TICRR: variants seen among roughly 807,000 people sequenced by gnomAD.
The protein encoded by TICRR is treslin.
A neutral mutation model predicts 178.1 loss-of-function variants in TICRR; 132 were observed. The ratio of observed to expected loss-of-function variants is 0.74; its 90% CI spans 0.64 to 0.86. The LOEUF (loss-of-function observed/expected upper bound fraction) is 0.86. Among genes scored for constraint, TICRR ranks in the 40% least tolerant of loss-of-function variants. The pLI is 0.00. For synonymous variants in TICRR, 991 were observed against 900.7 expected (o/e 1.10, Z -1.79); for missense variants, 2,587 against 2,334.3 (o/e 1.11, Z -2.23).
chr15:89,625,119 T>C lies in TICRR; in HGVS notation c.4809T>C (p.Pro1603=). The part of the protein sequence containing the change: ...ESSLGEESFL[P]ALSMPRASRS... ...CTCTGGGAGAAGAGAGCTTCCTCCC[T>C]GCTCTCAGCATGCCCAGGGCCAGCA... The change falls in exon 20 of 22, where the codon CCT becomes CCC. Residue 1603 remains proline (P), a synonymous_variant. Transcript: ENST00000268138. 6.2e-7 allele frequency: 1 copy of C among 1,613,972 alleles called. No individual in the cohort carries two copies. Among genetic ancestry groups the C allele is most frequent in the South Asian group, 1.1e-5 (1 of 91,080 alleles).
chr15:89,601,624 T>C (rs1963099439), intron 11 of TICRR, 56 bp downstream of exon 11: 39 of 1,607,602 alleles, frequency 2.4e-5, no homozygotes, highest in Middle Eastern at 1.6e-4. Context: ...AACCTATGTA[T>C]GGTGTTGTCT....
In TICRR at chr15:89,626,062, G is replaced by A; in HGVS notation, c.5602+1G>A. 6.2e-7 allele frequency: 1 copy of A among 1,613,694 alleles called. No individual in the cohort carries two copies. The highest frequency in any genetic ancestry group is 1.3e-5 in the African/African-American group (1 of 75,024). On this transcript the variant is annotated splice_donor_variant, in intron 21 of 21. Transcript: ENST00000268138. LOFTEE classifies it high-confidence loss of function. ...TCCTCTCAGAGCAAAGACCCCAGAG[G>A]TAATGTTTGTTGAAGGTCTAGGACC...
chr15:89,625,433 A>G lies in TICRR; in HGVS notation c.5123A>G (p.Asp1708Gly). 6.2e-7 allele frequency: 1 copy of G among 1,613,842 alleles called. No individual in the cohort carries two copies. The highest frequency in any genetic ancestry group is 8.5e-7 in the Non-Finnish European group (1 of 1,179,980). The stretch of plus-strand genomic sequence containing the variant: ...TCCGGGAGGGGCGAGGTCGGTGCAG[A>G]CCTTCCTGGGAGCCTGTCACTGCTT... ...SSSGRGEVGA[D>G]LPGSLSLLES... The change falls in exon 20 of 22, where the codon GAC (aspartate) becomes GGC (glycine). Residue 1708 changes from aspartate to glycine, a missense_variant. By Grantham distance (94) the Asp-to-Gly change is moderately conservative. Transcript: ENST00000268138.
At chr15:89,578,968 C>G (rs569838171) in intron 1 of TICRR, among the ~76,000 whole-genome samples, 46 of 152,196 alleles carry the variant, frequency 3.0e-4, no homozygotes, top group African/African-American at 1.1e-3. Flanking sequence ...AAATCCAGGT[C>G]CTGCCTTGGG....
Position 89,595,468 on chromosome 15 carries a change from G to A in TICRR, c.1757G>A (p.Arg586Lys). Reference sequence around the variant, plus strand: ...TCCTTAAAGATGTTGAATGTCGCAAGGCTGAATGTGAAGGCCCAGAAGTTA... The same window carrying A: ...TCCTTAAAGATGTTGAATGTCGCAAAGCTGAATGTGAAGGCCCAGAAGTTA... ...CRSLKMLNVA[R>K]LNVKAQKLHP... Residue 586 changes from arginine to lysine, a missense_variant, in exon 7 of 22, where the codon AGG becomes AAG. By Grantham distance (26) the Arg-to-Lys change is conservative. Transcript: ENST00000268138. 6.2e-7 allele frequency: 1 copy of A among 1,614,166 alleles called. No homozygotes were observed. Among genetic ancestry groups the A allele is most frequent in the Admixed American group, 1.7e-5 (1 of 60,032 alleles).
At chr15:89,593,669 G>C (rs1962950105) in intron 5 of TICRR, among the ~76,000 whole-genome samples, 1 of 152,298 alleles carries the variant, frequency 6.6e-6, no homozygotes, top group Admixed American at 6.5e-5. Context: ...TCGCGCCACT[G>C]CACTCCAGGA....
Position 89,616,480 on chromosome 15 carries a change from G to C in TICRR, c.2945G>C (p.Arg982Thr). The C allele has an allele frequency of 6.2e-7, 1 of 1,613,944 alleles. No individual in the cohort carries two copies. ...CAGATCTCCAAAAGGCTGCTGCACA[G>C]ACAAATCAAGGGCAGGTGAGTGACA... ...HKQISKRLLH[R>T]QIKGRSSDPG... Residue 982 changes from arginine to threonine, a missense_variant, in exon 16 of 22, where the codon AGA (arginine) becomes ACA (threonine). Transcript: ENST00000268138.
At chr15:89,607,992 A>G (rs975079335) in intron 14 of TICRR, among the ~76,000 whole-genome samples, 2 of 152,208 alleles carry the variant, frequency 1.3e-5, no homozygotes, top group Admixed American at 6.5e-5. Context: ...TATAGAATTG[A>G]ACAATTCTTT....
chr15:89,596,051 A>G (rs951486802), intron 7 of TICRR, among the ~76,000 whole-genome samples: 19 of 152,178 alleles, frequency 1.2e-4, no homozygotes, highest in Admixed American at 1.2e-3. Flanking sequence ...CTGAAACAAC[A>G]GTACTGAAGA....
chr15:89,583,290 T>C (rs1268547627), intron 2 of TICRR, among the ~76,000 whole-genome samples: 2 of 152,152 alleles, frequency 1.3e-5, no homozygotes, highest in South Asian at 2.1e-4. Context: ...ATAGAGTAGA[T>C]TGATAAATTG....
chr15:89,603,791 A>G (rs1234533817), intron 13 of TICRR, among the ~76,000 whole-genome samples: 1 of 152,206 alleles, frequency 6.6e-6, no homozygotes, highest in Non-Finnish European at 1.5e-5. Context: ...TTCAATTTGT[A>G]AATTAGGCAC....
intron 19 of TICRR, 31 bp downstream of exon 19, chr15:89,621,581 A>G (rs749889809): frequency 3.2e-6 from 5 of 1,575,592 alleles, no homozygotes; most frequent in East Asian, 2.2e-5. Flanking sequence ...TTGAAATAAT[A>G]TAATCTCCTG....
At chr15:89,595,878 AAAG>A (rs1962990784) in intron 7 of TICRR, among the ~76,000 whole-genome samples, 2 of 152,186 alleles carry the variant, frequency 1.3e-5, no homozygotes, top group African/African-American at 4.8e-5. Flanking sequence ...AAAAAGAAAA[AAAG>A]AAAGAAAATT....
chr15:89,625,802 A>G lies in TICRR; in HGVS notation c.5476+16A>G. 1 of 1,585,116 alleles carries G rather than the reference A, an allele frequency of 6.3e-7. No homozygotes were observed. On this transcript the variant is annotated intron_variant, in intron 20 of 21. Transcript: ENST00000268138. ...TTTGTTTCCGGTGAGTTCGTTTTTG[A>G]AACCCAGTTTCCTCATGGTTTCTTT...
At chr15:89,606,069 CTCCA>C (rs1375022830) in intron 13 of TICRR, among the ~76,000 whole-genome samples, 5 of 152,172 alleles carry the variant, frequency 3.3e-5, no homozygotes, top group African/African-American at 4.8e-5. Context: ...GGTGTTCCTT[CTCCA>C]TCCATTCATC....
intron 1 of TICRR, among the ~76,000 whole-genome samples, chr15:89,581,431 G>C (rs1484526518): frequency 6.6e-6 from 1 of 152,194 alleles, no homozygotes; most frequent in African/African-American, 2.4e-5. Flanking sequence ...TTTGTTGACA[G>C]AAGGTTGACT....
chr15:89,619,566 C>G, intron 17 of TICRR, 142 bp from the exon 18 acceptor site: 1 of 821,322 alleles, frequency 1.2e-6, no homozygotes, highest in Admixed American at 2.8e-5. Context: ...AGAGACACTT[C>G]AGAAGTCTCT....
intron 13 of TICRR, among the ~76,000 whole-genome samples, chr15:89,606,522 T>C (rs1596051159): frequency 6.6e-6 from 1 of 152,196 alleles, no homozygotes; most frequent in Non-Finnish European, 1.5e-5. Context: ...ATGTCTGCAT[T>C]GGATGGGTAT....
chr15:89,625,495 A>T lies in TICRR; in HGVS notation c.5185A>T (p.Ile1729Phe). The T allele has an allele frequency of 6.2e-7, 1 of 1,613,938 alleles. No individual in the cohort carries two copies. The highest frequency in any genetic ancestry group is 8.5e-7 in the Non-Finnish European group (1 of 1,180,014). ...EGKDHGLELSIHRTPILEDFE... is the reference protein window; with the variant it reads ...EGKDHGLELSFHRTPILEDFE... ...CAAGGACCACGGCCTTGAACTCAGC[A>T]TCCACAGGACGCCCATCTTGGAGGA... Residue 1729 changes from isoleucine to phenylalanine, a missense_variant, in exon 20 of 22, where the codon ATC becomes TTC. Physicochemically the swap from Ile to Phe is conservative, Grantham distance 21. Coordinates refer to ENST00000268138, the MANE Select transcript of TICRR (RefSeq NM_152259.4).
Sources: gnomAD v4.1 joint callset for allele counts (sites outside exome capture counted in the v4.1 genomes callset) on GRCh38, gnomAD v4.1.1 for gene constraint, MANE v1.5 for transcripts, NCBI Gene and HGNC (gene_info 2026-07-23, HGNC 2026-07-21) for gene names.